Variants in ZNF385D observed in about 807,000 individuals in gnomAD.
ZNF385D encodes the protein zinc finger protein 659.
A neutral mutation model predicts 35.8 loss-of-function variants in ZNF385D; 15 were observed. The observed-to-expected ratio is 0.42, with a 90% CI of 0.28 to 0.64. The LOEUF (loss-of-function observed/expected upper bound fraction) is 0.64, where lower values mean the gene tolerates loss of function less well. ZNF385D is among the 30% of genes least tolerant of loss of function. The probability of loss-of-function intolerance (pLI) is 0.23; values close to 1 mark genes in which losing one functional copy is unlikely to be tolerated. For missense variants in ZNF385D, 474 were observed against 494.6 expected (o/e 0.96, Z 0.39); for synonymous variants, 212 against 186.8 (o/e 1.13, Z -1.10).
chr3:22,217,379 T>A (rs1559459047), intron 2 of ZNF385D, among the ~76,000 whole-genome samples: 1 of 152,094 alleles, frequency 6.6e-6, no homozygotes, highest in Non-Finnish European at 1.5e-5. Context: ...ACTTCTTCCT[T>A]CAAAGAAGGC....
At chr3:21,970,313 G>C (rs1030727920) in intron 3 of ZNF385D, among the ~76,000 whole-genome samples, 2 of 151,984 alleles carry the variant, frequency 1.3e-5, no homozygotes, top group Non-Finnish European at 2.9e-5. Context: ...AGAAATTTAA[G>C]ATAATTCAGA....
intron 2 of ZNF385D, among the ~76,000 whole-genome samples, chr3:22,171,652 G>A (rs548900042): frequency 6.6e-6 from 1 of 151,968 alleles, no homozygotes; most frequent in Non-Finnish European, 1.5e-5. Flanking sequence ...CGAGGCGGGT[G>A]GATCACAAGG....
intron 2 of ZNF385D, among the ~76,000 whole-genome samples, chr3:21,660,884 C>T (rs1010511298): frequency 1.7e-4 from 26 of 152,290 alleles, no homozygotes; most frequent in Middle Eastern, 3.4e-3. Context: ...TCTGATTCTG[C>T]ATAGTGCTTT....
At chr3:21,933,423 T>C (rs1042323950) in intron 3 of ZNF385D, among the ~76,000 whole-genome samples, 1 of 152,136 alleles carries the variant, frequency 6.6e-6, no homozygotes, top group Non-Finnish European at 1.5e-5. Context: ...TATTAATACA[T>C]GAGACTATTG....
chr3:21,721,276 G>A (rs1452238921), intron 1 of ZNF385D, among the ~76,000 whole-genome samples: 2 of 151,784 alleles, frequency 1.3e-5, no homozygotes, highest in Non-Finnish European at 2.9e-5. Flanking sequence ...TTACCTTCAG[G>A]TAGAACGCTG....
chr3:21,989,389 T>C (rs922292903), intron 3 of ZNF385D, among the ~76,000 whole-genome samples: 1 of 152,126 alleles, frequency 6.6e-6, no homozygotes, highest in Non-Finnish European at 1.5e-5. Flanking sequence ...CCAAATTACG[T>C]AGGAATACAG....
At chr3:21,699,526 C>CA (rs1210424685) in intron 1 of ZNF385D, among the ~76,000 whole-genome samples, 18 of 151,514 alleles carry the variant, frequency 1.2e-4, no homozygotes, top group African/African-American at 3.4e-4. Flanking sequence ...AAATTAAATA[C>CA]AAAAAAATGT....
At chr3:21,511,686 G>C (rs1317576518) in intron 3 of ZNF385D, 1 of 456,526 alleles carries the variant, frequency 2.2e-6, no homozygotes, top group South Asian at 1.5e-5. Context: ...TCATGCCCCA[G>C]TCCATTGTTG....
At chr3:21,761,453 G>A (rs1301348563) in intron 3 of ZNF385D, among the ~76,000 whole-genome samples, 1 of 152,176 alleles carries the variant, frequency 6.6e-6, no homozygotes, top group East Asian at 1.9e-4. Context: ...TGGCAAGGTG[G>A]TCTAGAATTC....
At chr3:21,546,711 C>T (rs1403586827) in intron 3 of ZNF385D, among the ~76,000 whole-genome samples, 3 of 152,042 alleles carry the variant, frequency 2.0e-5, no homozygotes, top group Non-Finnish European at 4.4e-5. Flanking sequence ...CAGCCGCAAG[C>T]TTCCTGTTTC....
At chr3:21,726,315 A>G (rs1238444433) in intron 1 of ZNF385D, among the ~76,000 whole-genome samples, 1 of 152,218 alleles carries the variant, frequency 6.6e-6, no homozygotes, top group African/African-American at 2.4e-5. Context: ...ATAATACTGG[A>G]AGTTCTGGCC....
intron 2 of ZNF385D, among the ~76,000 whole-genome samples, chr3:22,328,956 A>G (rs1168554021): frequency 2.0e-5 from 3 of 151,278 alleles, no homozygotes; most frequent in Non-Finnish European, 4.4e-5. Context: ...GGGCGCCTGT[A>G]GTCCCACCTA....
rs117018006 is a variant in ZNF385D, at chr3:21,884,063, G to A, written c.326-219035C>T. Among the ~76,000 whole-genome samples, 170 of 152,038 alleles carry A rather than the reference G, an allele frequency of 1.1e-3. 1 individual carries two copies. In the East Asian group the frequency reaches 0.027, roughly 24 times the overall value. On this transcript the variant is annotated intron_variant, in intron 3 of 5. Coordinates refer to the ZNF385D transcript ENST00000494108. ...AGCATAACACACACAATATAAATGC[G>A]GATGGTTTGCAAAGAAAAGGGAGAC...
intron 3 of ZNF385D, among the ~76,000 whole-genome samples, chr3:21,954,714 A>C (rs1216199513): frequency 6.6e-6 from 1 of 152,108 alleles, no homozygotes; most frequent in Non-Finnish European, 1.5e-5. Context: ...TATCACAGTG[A>C]CTTACTAAGG....
In ZNF385D at chr3:21,684,365, C is replaced by CCTCTCT. The variant is rs373105142; in HGVS notation, c.23-19343_23-19338dup. Among the ~76,000 whole-genome samples the CCTCTCT allele has an allele frequency of 1.3e-3, 92 of 73,314 alleles. 4 individuals are homozygous for CCTCTCT. The highest frequency in any genetic ancestry group is 4.9e-3 in the East Asian group (11 of 2,260). The allele number at this position is 73,314 out of a possible 152,430, so 48.1% of individuals were successfully genotyped here. A position where few individuals can be genotyped will look rare whatever the true frequency, so the allele number is the denominator to read the frequency against. ...AAAGCCATAAATGGTTAACTGTTCT[C>CCTCTCT]CTCTCTCTCTCTCTCTCTCTCTCTC... On this transcript the variant is annotated intron_variant, in intron 1 of 7. Transcript: ENST00000281523.
At chr3:22,025,504 A>G (rs898036722) in intron 3 of ZNF385D, among the ~76,000 whole-genome samples, 1 of 152,180 alleles carries the variant, frequency 6.6e-6, no homozygotes, top group African/African-American at 2.4e-5. Context: ...GTATGGAATA[A>G]TGGTGGAAGA....
intron 2 of ZNF385D, among the ~76,000 whole-genome samples, chr3:22,188,454 AT>A (rs67521159): frequency 0.57 from 84,287 of 147,606 alleles, 24,922 homozygotes; most frequent in African/African-American, 0.75. Context: ...TGTGTATACT[AT>A]TTTTTTTTTT....
At chr3:22,146,625 A>T (rs115688166) in intron 3 of ZNF385D, among the ~76,000 whole-genome samples, 1,809 of 152,250 alleles carry the variant, frequency 0.012, 15 homozygotes, top group South Asian at 0.023. Context: ...TGCAAAAATA[A>T]TAACTTTTCT....
chr3:22,033,404 A>ATAG (rs372809983), intron 3 of ZNF385D, among the ~76,000 whole-genome samples: 4 of 83,692 alleles, frequency 4.8e-5, no homozygotes, highest in Non-Finnish European at 1.3e-4. Flanking sequence ...TGGCTCCAAA[A>ATAG]TAATAATAAT....
Sources: allele counts gnomAD v4.1 joint callset (sites outside exome capture counted in the v4.1 genomes callset), GRCh38; gene constraint gnomAD v4.1.1; transcripts MANE v1.5; gene names NCBI Gene and HGNC (gene_info 2026-07-23, HGNC 2026-07-21).